The following SCN4A variants were observed in gnomAD, a reference collection of about 807,000 sequenced individuals.
SCN4A encodes sodium voltage-gated channel alpha subunit 4, also known as sodium channel protein type 4 subunit alpha.
In SCN4A, 83 loss-of-function variants were observed where a neutral mutation model predicts 162.0. The observed-to-expected ratio is 0.51, with a 90% CI of 0.43 to 0.61. The LOEUF (loss-of-function observed/expected upper bound fraction) is 0.61, where lower values mean the gene tolerates loss of function less well. SCN4A is among the 20% of genes least tolerant of loss of function. The pLI is 0.00. For missense variants in SCN4A, 2,196 were observed against 2,462.5 expected, an observed-to-expected ratio of 0.89 and a Z score of 2.29; for synonymous variants, 944 against 985.1, an observed-to-expected ratio of 0.96 and a Z score of 0.78.
chr17:63,954,624 C>G (rs901007243), intron 13 of SCN4A, among the ~76,000 whole-genome samples: 1 of 152,164 alleles, frequency 6.6e-6, no homozygotes, highest in East Asian at 1.9e-4. Flanking sequence ...GCAGGGGATG[C>G]GGGTCCTCAC....
chr17:63,948,843 T>C, intron 15 of SCN4A, 78 bp from the exon 16 acceptor site: 1 of 1,313,098 alleles, frequency 7.6e-7, no homozygotes, highest in Non-Finnish European at 1.0e-6. Context: ...GTCAGCGCCC[T>C]CCCATGGCAT....
chr17:63,951,965 C>T lies in SCN4A; in HGVS notation c.2377-65G>A. On this transcript the variant is annotated intron_variant, in intron 13 of 23. Coordinates refer to ENST00000435607, the MANE Select transcript of SCN4A (RefSeq NM_000334.4). The surrounding 1 kb of genome is among the most constrained non-coding windows in gnomAD (Gnocchi z 4.5). ...GGGACCCAGAGGGTGCCACCTTCAG[C>T]CAGCACAGGGGTCCTCGGTCTACAG... The T allele has an allele frequency of 4.0e-6, 4 of 990,832 alleles. No homozygotes were observed. The highest frequency in any genetic ancestry group is 2.5e-5 in the Admixed American group (1 of 40,064). 61.4% of individuals were successfully genotyped at this position (990,832 alleles called of 1,614,324 possible). A position where few individuals can be genotyped will look rare whatever the true frequency, so the allele number is the denominator to read the frequency against.
rs2144778330 is a variant in SCN4A at position 63,944,664 on chromosome 17, G to A, written c.3912+9C>T. On this transcript the variant is annotated intron_variant, in intron 21 of 23. Transcript: ENST00000435607. This position sits in a 1 kb window ranked among gnomAD's most constrained non-coding sequence, Gnocchi z 4.3. ...CCGGGAGGGCCCGAGGGGCTGGGCT[G>A]ATACTCATCTTCTTCTTCTGCTGGT... is the stretch of plus-strand genomic sequence containing the variant. 6.3e-7 allele frequency: 1 copy of A among 1,596,412 alleles called. No homozygotes were observed. Among genetic ancestry groups the A allele is most frequent in the South Asian group, 1.1e-5 (1 of 88,394 alleles).
In SCN4A at chr17:63,961,345, G is replaced by A. The variant is rs1597980227; in HGVS notation, c.1693C>T (p.Leu565=). The change falls in exon 11 of 24, where the codon CTG becomes TTG. Residue 565 remains leucine (L), a synonymous_variant. Transcript: ENST00000435607. ...VLIWNCCAPW[L]KFKNIIHLIV... ...AGGTGGATGATGTTCTTGAACTTCA[G>A]CCACGGGGCGCAGCAGTTCCATATG... The A allele has an allele frequency of 1.2e-6, 2 of 1,613,860 alleles. No individual in the cohort carries two copies. The highest frequency in any genetic ancestry group is 2.2e-5 in the South Asian group (2 of 91,080).
chr17:63,940,825 G>A lies in SCN4A; in HGVS notation c.5457C>T (p.Pro1819=), dbSNP rs761023866. The A allele has an allele frequency of 6.9e-6, 11 of 1,605,306 alleles. No individual in the cohort carries two copies. Among genetic ancestry groups the A allele is most frequent in the East Asian group, 2.2e-5 (1 of 44,696 alleles). ...GCACAGTCTGCCCTGGGGGAGGGGC[G>A]GGAGGCCAGGCAGTGTCTGAGGGGC... The part of the protein sequence containing the change: ...PISPSDTAWP[P]APPPGQTVRP... Residue 1819 remains proline (P), a synonymous_variant, in exon 24 of 24, where the codon CCC becomes CCT. Coordinates refer to ENST00000435607, the MANE Select transcript of SCN4A (RefSeq NM_000334.4).
Position 63,944,612 on chromosome 17 carries a change from C to A in SCN4A, c.3912+61G>T. On this transcript the variant is annotated intron_variant, in intron 21 of 23. Transcript: ENST00000435607. This position sits in a 1 kb window ranked among gnomAD's most constrained non-coding sequence, Gnocchi z 4.3. ...GTGGGTTTGTGCAATGGAGAGTGGA[C>A]AAAGGAGGCAGGAGGGAGGCCCAGC... 2 of 1,541,948 alleles carry A rather than the reference C, an allele frequency of 1.3e-6. No homozygotes were observed. Among genetic ancestry groups the A allele is most frequent in the Non-Finnish European group, 1.8e-6 (2 of 1,138,642 alleles).
At position 63,941,818 on chromosome 17, in the gene SCN4A, G is replaced by C. The variant is rs377064207; in HGVS notation, c.4464C>G (p.Leu1488=). 1 of 1,614,224 alleles carries C rather than the reference G, an allele frequency of 6.2e-7. No homozygotes were observed. The highest frequency in any genetic ancestry group is 8.5e-7 in the Non-Finnish European group (1 of 1,180,024). ...AGTAGATGAACATGACCAGGAAGAG[G>C]AGGAGGCCGATGTTGAAGAGGGCAG... ...SLPALFNIGL[L]LFLVMFIYSI... The change falls in exon 24 of 24, where the codon CTC becomes CTG. Residue 1488 remains leucine, a synonymous_variant. Coordinates refer to ENST00000435607, the MANE Select transcript of SCN4A (RefSeq NM_000334.4). This position sits in a 1 kb window ranked among gnomAD's most constrained non-coding sequence, Gnocchi z 6.2.
chr17:63,966,656 C>T lies in SCN4A; in HGVS notation c.1037-112G>A, dbSNP rs78364035. ...GTCTGCGCGTACCACATAAACCAAA[C>T]GGATGTTCCCTGGCTGCCTCTTCCC... On this transcript the variant is annotated intron_variant, in intron 6 of 23. Coordinates refer to ENST00000435607, the MANE Select transcript of SCN4A (RefSeq NM_000334.4). 0.049 allele frequency: 37,465 copies of T among 760,346 alleles called. 1,075 individuals are homozygous for T. Among genetic ancestry groups the T allele is most frequent in the African/African-American group, 0.095 (5,576 of 58,598 alleles). 47.1% of individuals were successfully genotyped at this position (760,346 alleles called of 1,614,324 possible).
rs1908869595 is a variant in SCN4A at position 63,950,406 on chromosome 17, G to A, written c.2854-878C>T. Among the ~76,000 whole-genome samples, 1 of 152,170 alleles carries A rather than the reference G, an allele frequency of 6.6e-6. No homozygotes were observed. Among genetic ancestry groups the A allele is most frequent in the Non-Finnish European group, 1.5e-5 (1 of 68,018 alleles). On this transcript the variant is annotated intron_variant, in intron 14 of 23. Transcript: ENST00000435607. The surrounding 1 kb of genome is among the most constrained non-coding windows in gnomAD (Gnocchi z 4.6). ...AACTCCCTAAATCTCCCTTGGAGTTGTGCTCGCCCTCCTTGAACAAGTCCC... is the reference window on the plus strand; with the variant it reads ...AACTCCCTAAATCTCCCTTGGAGTTATGCTCGCCCTCCTTGAACAAGTCCC...
chr17:63,945,801 G>A lies in SCN4A; in HGVS notation c.3442-163C>T, dbSNP rs1174892235. On this transcript the variant is annotated intron_variant, in intron 18 of 23. Transcript: ENST00000435607. This position sits in a 1 kb window ranked among gnomAD's most constrained non-coding sequence, Gnocchi z 4.4. The stretch of plus-strand genomic sequence containing the variant: ...TGGGCTGTGTGTGTGCAGGTTGGGG[G>A]TGGTAAGGGGGAGGGGGAGGGAGCT... Among the ~76,000 whole-genome samples the A allele has an allele frequency of 6.6e-6, 1 of 151,372 alleles. No individual in the cohort carries two copies. The highest frequency in any genetic ancestry group is 1.5e-5 in the Non-Finnish European group (1 of 67,840).
chr17:63,965,650 G>A (rs555034095), intron 8 of SCN4A, among the ~76,000 whole-genome samples: 47 of 152,154 alleles, frequency 3.1e-4, no homozygotes, highest in African/African-American at 1.0e-3. Flanking sequence ...CACCATACCC[G>A]GCTAATTTTT....
rs550755783 is a variant in SCN4A at position 63,948,843 on chromosome 17, T to A, written c.2990-78A>T. On this transcript the variant is annotated intron_variant, in intron 15 of 23. Coordinates refer to ENST00000435607, the MANE Select transcript of SCN4A (RefSeq NM_000334.4). ...GCCTTGGGGTGCACAGTCAGCGCCC[T>A]CCCATGGCATCCCAGGATGCCCCTC... The A allele has an allele frequency of 1.1e-4, 149 of 1,313,098 alleles. No homozygotes were observed. The African/African-American group carries it at 1.9e-3, about 17-fold the overall frequency. The allele number at this position is 1,313,098 out of a possible 1,614,324, so 81.3% of individuals were successfully genotyped here.
Position 63,945,248 on chromosome 17 carries a change from A to G in SCN4A, c.3720+112T>C, listed in dbSNP as rs1908675098. 1 of 1,045,454 alleles carries G rather than the reference A, an allele frequency of 9.6e-7. No individual in the cohort carries two copies. The highest frequency in any genetic ancestry group is 1.6e-5 in the African/African-American group (1 of 63,642). 64.8% of individuals were successfully genotyped at this position (1,045,454 alleles called of 1,614,324 possible). A position where few individuals can be genotyped will look rare whatever the true frequency, so the allele number is the denominator to read the frequency against. The stretch of plus-strand genomic sequence containing the variant: ...CTGGGGATCCCACAGCATTGGAAGC[A>G]GGGTGGGCGGTCCCCTAACCAGGAG... On this transcript the variant is annotated intron_variant, in intron 19 of 23. Coordinates refer to ENST00000435607, the MANE Select transcript of SCN4A (RefSeq NM_000334.4). This position sits in a 1 kb window ranked among gnomAD's most constrained non-coding sequence, Gnocchi z 4.4.
chr17:63,942,348 ACT>A (rs1908570261), intron 23 of SCN4A, among the ~76,000 whole-genome samples: 1 of 151,252 alleles, frequency 6.6e-6, no homozygotes, highest in Admixed American at 6.6e-5. Context: ...CAGCTGCGTG[ACT>A]CTGGGTCTCC....
At position 63,941,463 on chromosome 17, in the gene SCN4A, C is replaced by T. The variant is rs760087727; in HGVS notation, c.4819G>A (p.Glu1607Lys). 10 of 1,614,050 alleles carry T rather than the reference C, an allele frequency of 6.2e-6. No homozygotes were observed. The highest frequency in any genetic ancestry group is 2.2e-5 in the East Asian group (1 of 44,896). ...TCTTCACCAAGGGGCTCGCTGCTCT[C>T]CTCTGTGGCCACATTGAAGTTCTCC... ...ILENFNVATEESSEPLGEDDF... is the reference protein window; with the variant it reads ...ILENFNVATEKSSEPLGEDDF... The change falls in exon 24 of 24, where the codon GAG (glutamate) becomes AAG (lysine). Residue 1607 changes from glutamate (E) to lysine (K), a missense_variant. By Grantham distance (56) the Glu-to-Lys change is moderately conservative (BLOSUM62 1). Transcript: ENST00000435607. The surrounding 1 kb of genome is among the most constrained non-coding windows in gnomAD (Gnocchi z 6.2).
chr17:63,961,409 C>A lies in SCN4A; in HGVS notation c.1629G>T (p.Lys543Asn), dbSNP rs1197528149. The change falls in exon 11 of 24, where the codon AAG (lysine) becomes AAT (asparagine). Residue 543 changes from lysine (K) to asparagine (N), a missense_variant. By Grantham distance (94) the Lys-to-Asn change is moderately conservative. Transcript: ENST00000435607. ...AMEELEEAHQ[K>N]CPPWWYKCAH... ...CGCACTTGTACCACCATGGTGGGCA[C>A]TTTTGGTGGGCCTCTTCCAGTTCTG... The A allele has an allele frequency of 1.9e-6, 3 of 1,613,336 alleles. No individual in the cohort carries two copies. Among genetic ancestry groups the A allele is most frequent in the Non-Finnish European group, 2.5e-6 (3 of 1,179,510 alleles).
At chr17:63,946,318 C>G (rs1322469374) in intron 18 of SCN4A, among the ~76,000 whole-genome samples, 1 of 152,106 alleles carries the variant, frequency 6.6e-6, no homozygotes, top group Admixed American at 6.5e-5. Flanking sequence ...TCAGAGGGCC[C>G]AGCATTCGGC....
chr17:63,966,080 G>A (rs1043583778), intron 8 of SCN4A, 22 bp downstream of exon 8: 22 of 1,555,712 alleles, frequency 1.4e-5, no homozygotes, highest in East Asian at 2.4e-5. Context: ...AGGGTTGGGG[G>A]GCAGGGTGGG....
Position 63,957,443 on chromosome 17 carries a change from C to T in SCN4A, c.2095G>A (p.Ala699Thr), listed in dbSNP as rs1057518865. 1.2e-6 allele frequency: 2 copies of T among 1,614,024 alleles called. No individual in the cohort carries two copies. The highest frequency in any genetic ancestry group is 1.7e-6 in the Non-Finnish European group (2 of 1,179,912). ...LIKIIGNSVGALGNLTLVLAI... is the reference protein window; with the variant it reads ...LIKIIGNSVGTLGNLTLVLAI... ...AGCACCAGCGTCAGGTTACCCAGCG[C>T]CCCCACTGAATTGCCAATGATCTTG... is the stretch of plus-strand genomic sequence containing the variant. The change falls in exon 13 of 24, where the codon GCG (alanine) becomes ACG (threonine). Residue 699 changes from alanine (A) to threonine (T), a missense_variant. Ala to Thr is a moderately conservative substitution (Grantham distance 58, BLOSUM62 0). Transcript: ENST00000435607.
Sources: allele counts gnomAD v4.1 joint callset (sites outside exome capture counted in the v4.1 genomes callset), GRCh38; gene constraint gnomAD v4.1.1; non-coding constraint Gnocchi (gnomAD v3.1); transcripts MANE v1.5; gene names NCBI Gene and HGNC (gene_info 2026-07-23, HGNC 2026-07-21).